Variants in GDA observed in about 807,000 individuals in gnomAD.
GDA encodes cytoplasmic PSD-95 interactor.
GDA carries 18 observed loss-of-function variants against 59.6 expected under a neutral mutation model. The ratio of observed to expected loss-of-function variants is 0.30; its 90% CI spans 0.21 to 0.45. The LOEUF (loss-of-function observed/expected upper bound fraction) is 0.45. Ranked by LOEUF, GDA falls within the 20% of genes least tolerant of loss-of-function variation. GDA has a pLI of 1.00. For missense variants in GDA, 427 were observed against 552.3 expected (o/e 0.77, Z 2.27); for synonymous variants, 201 against 201.1 (o/e 1.00, Z 0.00).
intron 1 of GDA, among the ~76,000 whole-genome samples, chr9:72,192,671 G>A (rs867467159): frequency 1.3e-5 from 2 of 151,460 alleles, no homozygotes; most frequent in South Asian, 4.2e-4. Flanking sequence ...CACTAGGTCA[G>A]GAGATCGAGA....
chr9:72,163,966 T>G (rs1442918955), intron 1 of GDA, among the ~76,000 whole-genome samples: 1 of 152,188 alleles, frequency 6.6e-6, no homozygotes, highest in East Asian at 1.9e-4. Context: ...CTCTCTGTTT[T>G]AGTTGGGTAT....
intron 1 of GDA, among the ~76,000 whole-genome samples, chr9:72,167,046 CTGTT>C (rs905947497): frequency 3.3e-5 from 5 of 152,042 alleles, no homozygotes; most frequent in Admixed American, 6.6e-5. Flanking sequence ...TGTTGTTGTT[CTGTT>C]TGTTTGTTTG....
chr9:72,155,347 A>G (rs1387909367), intron 1 of GDA, among the ~76,000 whole-genome samples: 1 of 152,206 alleles, frequency 6.6e-6, no homozygotes. Flanking sequence ...GATTCAAGTT[A>G]TCGCCCACTG....
upstream of GDA, among the ~76,000 whole-genome samples, chr9:72,145,472 G>A (rs1472716894): frequency 2.0e-5 from 3 of 152,200 alleles, no homozygotes; most frequent in African/African-American, 7.2e-5. Context: ...TTATAGGGTT[G>A]TTGAGAGGCT....
intron 1 of GDA, among the ~76,000 whole-genome samples, chr9:72,137,068 C>T (rs1043114794): frequency 1.1e-4 from 17 of 152,102 alleles, no homozygotes; most frequent in African/African-American, 3.4e-4. Flanking sequence ...ACTCAAAGAA[C>T]TAAACTTTCT....
At chr9:72,138,720 A>G (rs1489346477) in intron 1 of GDA, among the ~76,000 whole-genome samples, 1 of 152,216 alleles carries the variant, frequency 6.6e-6, no homozygotes, top group African/African-American at 2.4e-5. Context: ...CCATTATCTT[A>G]TAAGCTTCTT....
chr9:72,253,943 TTAAAG>T (rs1004246422), downstream of GDA, among the ~76,000 whole-genome samples: 2 of 151,910 alleles, frequency 1.3e-5, no homozygotes, highest in Admixed American at 6.6e-5. Flanking sequence ...ACCCTAAAAC[TTAAAG>T]TATAGTAATA....
downstream of GDA, among the ~76,000 whole-genome samples, chr9:72,259,377 A>G (rs556005307): frequency 6.6e-6 from 1 of 152,238 alleles, no homozygotes; most frequent in South Asian, 2.1e-4. Context: ...TCTTTCTACG[A>G]TGTGGCTCCC....
intron 1 of GDA, among the ~76,000 whole-genome samples, chr9:72,125,319 AC>A (rs1564146640): frequency 3.1e-5 from 4 of 127,390 alleles, no homozygotes; most frequent in South Asian, 2.5e-4. Context: ...TCCTTCCTTT[AC>A]TCCCTCCCTC....
At chr9:72,200,040 C>G (rs543535374) in intron 2 of GDA, among the ~76,000 whole-genome samples, 154 of 149,420 alleles carry the variant, frequency 1.0e-3, no homozygotes, top group African/African-American at 2.5e-3. Flanking sequence ...CTCTGTCACC[C>G]AGGCTGGAGT....
intron 5 of GDA, among the ~76,000 whole-genome samples, chr9:72,219,267 G>A (rs1177834586): frequency 1.3e-5 from 2 of 152,042 alleles, no homozygotes; most frequent in Non-Finnish European, 2.9e-5. Context: ...GCTGGACGTG[G>A]TGGCGGGTGC....
rs571537684 is a variant in GDA, at chr9:72,134,091, G to A, written c.-100+19258G>A. On this transcript the variant is annotated intron_variant, in intron 1 of 13. Transcript: ENST00000545168. ...ATCATGAATAAGTGAATTAGTGGAG[G>A]GAGTAGGGAAAGGGAAGGGGCTTGG... Among the ~76,000 whole-genome samples, 23 of 152,282 alleles carry A rather than the reference G, an allele frequency of 1.5e-4. 2 individuals carry two copies. The South Asian group carries it at 4.3e-3, about 29-fold the overall frequency.
chr9:72,175,509 A>G (rs1830445970), intron 1 of GDA, among the ~76,000 whole-genome samples: 1 of 152,218 alleles, frequency 6.6e-6, no homozygotes, highest in South Asian at 2.1e-4. Flanking sequence ...ATGAGATGTG[A>G]AGGAAATTTT....
Position 72,211,421 on chromosome 9 carries a change from G to A in GDA, c.472+647G>A, listed in dbSNP as rs1476502372. Among the ~76,000 whole-genome samples the A allele has an allele frequency of 2.0e-5, 3 of 152,316 alleles. No individual in the cohort carries two copies. The East Asian group carries it at 5.8e-4, about 29-fold the overall frequency. ...GAGGATAAGTAACATGCCCAGGGTT[G>A]CACAGCTAGTAAGAAGAGCTGATTC... On this transcript the variant is annotated intron_variant, in intron 4 of 13. Transcript: ENST00000358399.
chr9:72,238,699 C>G (rs950988432), intron 10 of GDA, among the ~76,000 whole-genome samples: 19 of 152,168 alleles, frequency 1.2e-4, no homozygotes, highest in Non-Finnish European at 2.4e-4. Context: ...AATGTTGGCT[C>G]TGACGAGCAA....
At chr9:72,167,149 C>A (rs147962464) in intron 1 of GDA, among the ~76,000 whole-genome samples, 1 of 152,192 alleles carries the variant, frequency 6.6e-6, no homozygotes, top group African/African-American at 2.4e-5. Flanking sequence ...TAGGAAATGA[C>A]CCCCAGGCCT....
chr9:72,171,769 G>A (rs10781077), intron 1 of GDA, among the ~76,000 whole-genome samples: 3 of 151,722 alleles, frequency 2.0e-5, no homozygotes, highest in African/African-American at 7.3e-5. Context: ...TAACTTAAAG[G>A]CCCCTCAGGG....
At chr9:72,165,294 T>G (rs1829161921) in intron 1 of GDA, among the ~76,000 whole-genome samples, 1 of 152,258 alleles carries the variant, frequency 6.6e-6, no homozygotes, top group Non-Finnish European at 1.5e-5. Context: ...TAGAGTTAGT[T>G]GCAGCCTTCT....
chr9:72,242,004 C>T (rs1839669407), intron 11 of GDA, among the ~76,000 whole-genome samples: 1 of 152,312 alleles, frequency 6.6e-6, no homozygotes, highest in Non-Finnish European at 1.5e-5. Flanking sequence ...TACTTAAGCT[C>T]TTCCCCTGTG....
Sources: allele counts gnomAD v4.1 joint callset (sites outside exome capture counted in the v4.1 genomes callset), GRCh38; gene constraint gnomAD v4.1.1; transcripts MANE v1.5; gene names NCBI Gene and HGNC (gene_info 2026-07-23, HGNC 2026-07-21).